Variants in TSHZ1 observed in about 807,000 individuals in gnomAD.
The protein encoded by TSHZ1 is teashirt homolog 1.
TSHZ1 carries 12 observed loss-of-function variants against 67.1 expected under a neutral mutation model. The observed-to-expected ratio is 0.18, with a 90% CI of 0.11 to 0.29. The LOEUF (loss-of-function observed/expected upper bound fraction) is 0.29. Ranked by LOEUF, TSHZ1 falls within the 10% of genes least tolerant of loss-of-function variation. The pLI is 1.00. For synonymous variants in TSHZ1, 632 were observed against 622.4 expected (o/e 1.02, Z -0.23); for missense variants, 1,305 against 1,413.9 (o/e 0.92, Z 1.23).
intron 1 of TSHZ1, among the ~76,000 whole-genome samples, chr18:75,224,061 TAAA>T (rs11347694): frequency 0.012 from 1,362 of 117,856 alleles, 23 homozygotes; most frequent in African/African-American, 0.039. Context: ...TTTAAACTTG[TAAA>T]AAAAAAAAAA....
chr18:75,233,168 C>T (rs1299260897), intron 1 of TSHZ1, among the ~76,000 whole-genome samples: 3 of 152,336 alleles, frequency 2.0e-5, no homozygotes, highest in African/African-American at 4.8e-5. Flanking sequence ...AGTTTTCTCC[C>T]ATGTTCACAT....
chr18:75,263,132 G>A (rs1181754206), intron 1 of TSHZ1, among the ~76,000 whole-genome samples: 1 of 152,096 alleles, frequency 6.6e-6, no homozygotes, highest in Admixed American at 6.6e-5. Flanking sequence ...ATGCAGGTTC[G>A]TTAAATATTT....
At chr18:75,235,066 G>T (rs1297960228) in intron 1 of TSHZ1, among the ~76,000 whole-genome samples, 1 of 152,108 alleles carries the variant, frequency 6.6e-6, no homozygotes, top group Non-Finnish European at 1.5e-5. Context: ...AGCCGTCAGC[G>T]TGTCACACCC....
chr18:75,285,725 C>T lies in TSHZ1; in HGVS notation c.318C>T (p.Val106=). ...EKEDPQCPDS[V]SYPQDSLAQI... ...AGGATCCGCAGTGTCCCGACAGCGT[C>T]TCGTACCCCCAGGACAGCCTGGCAC... Residue 106 remains valine, a synonymous_variant, in exon 2 of 2, where the codon GTC becomes GTT. Coordinates refer to ENST00000580243, the MANE Select transcript of TSHZ1 (RefSeq NM_001308210.2). 1 of 1,614,142 alleles carries T rather than the reference C, an allele frequency of 6.2e-7. No homozygotes were observed. The highest frequency in any genetic ancestry group is 2.2e-5 in the East Asian group (1 of 44,876).
In TSHZ1 at chr18:75,281,280, T is replaced by C. The variant is rs1319001409; in HGVS notation, c.41-4168T>C. 5.9e-5 allele frequency among the ~76,000 whole-genome samples: 9 copies of C among 152,178 alleles called. No individual in the cohort carries two copies. In the East Asian group the frequency reaches 1.7e-3, roughly 29 times the overall value. ...GGAGGCTTTGAGGATGGCGCTGCTT[T>C]TCTGCCTCGGATACTCTCGTTTGGG... On this transcript the variant is annotated intron_variant, in intron 1 of 1. Transcript: ENST00000580243. This position sits in a 1 kb window ranked among gnomAD's most constrained non-coding sequence, Gnocchi z 5.3.
chr18:75,225,390 G>A (rs182038545), intron 1 of TSHZ1, among the ~76,000 whole-genome samples: 6 of 152,342 alleles, frequency 3.9e-5, no homozygotes, highest in African/African-American at 1.4e-4. Flanking sequence ...TGGAGCTCGC[G>A]GGAGAGTTGG....
intron 1 of TSHZ1, among the ~76,000 whole-genome samples, chr18:75,261,107 C>T (rs552543792): frequency 2.8e-4 from 42 of 151,958 alleles, no homozygotes; most frequent in African/African-American, 7.5e-4. Context: ...AGTCCAGTTC[C>T]GCGATGTACC....
chr18:75,243,382 G>A (rs564095267), intron 1 of TSHZ1, among the ~76,000 whole-genome samples: 1 of 152,278 alleles, frequency 6.6e-6, no homozygotes, highest in East Asian at 1.9e-4. Context: ...CAGTGAGCTT[G>A]CAAGTCTTGT....
intron 1 of TSHZ1, among the ~76,000 whole-genome samples, chr18:75,272,056 C>A (rs1340658332): frequency 2.0e-5 from 3 of 152,158 alleles, no homozygotes; most frequent in Admixed American, 6.5e-5. Flanking sequence ...TAAATACTTC[C>A]ATTCCAATGT....
intron 1 of TSHZ1, chr18:75,284,874 C>G (rs553668867): frequency 4.6e-5 from 7 of 152,440 alleles, no homozygotes; most frequent in African/African-American, 1.7e-4. Context: ...CGTCTGGCAG[C>G]CCCATGCGGG....
At chr18:75,215,020 C>T (rs1460343745) in intron 1 of TSHZ1, among the ~76,000 whole-genome samples, 1 of 152,084 alleles carries the variant, frequency 6.6e-6, no homozygotes, top group Non-Finnish European at 1.5e-5. Flanking sequence ...AATCATGTCA[C>T]CGAGACAATG....
intron 1 of TSHZ1, among the ~76,000 whole-genome samples, chr18:75,238,846 A>G (rs2023117070): frequency 6.6e-6 from 1 of 152,244 alleles, no homozygotes; most frequent in Admixed American, 6.5e-5. Context: ...GTTGCCTGAC[A>G]CATCTGTTTT....
chr18:75,273,183 C>T (rs1000417151), intron 1 of TSHZ1, among the ~76,000 whole-genome samples: 1 of 152,236 alleles, frequency 6.6e-6, no homozygotes, highest in African/African-American at 2.4e-5. Context: ...AGCACCCACA[C>T]TTGTTCATCT....
intron 1 of TSHZ1, among the ~76,000 whole-genome samples, chr18:75,263,685 C>T (rs752941903): frequency 1.1e-4 from 17 of 152,094 alleles, no homozygotes; most frequent in Admixed American, 2.0e-4. Flanking sequence ...CATACAGATA[C>T]AATAATTCAG....
At chr18:75,276,781 A>G (rs1185550560) in intron 1 of TSHZ1, among the ~76,000 whole-genome samples, 2 of 152,254 alleles carry the variant, frequency 1.3e-5, no homozygotes, top group Admixed American at 6.5e-5. Context: ...CCAGGTGGCA[A>G]TACAATAGTG....
chr18:75,269,005 C>A (rs189543188), intron 1 of TSHZ1, among the ~76,000 whole-genome samples: 1 of 152,152 alleles, frequency 6.6e-6, no homozygotes, highest in Non-Finnish European at 1.5e-5. Context: ...GTTTGATTGA[C>A]GACAGTGAGG....
chr18:75,218,500 G>A (rs1255116764), intron 1 of TSHZ1, among the ~76,000 whole-genome samples: 2 of 152,212 alleles, frequency 1.3e-5, no homozygotes, highest in Admixed American at 6.5e-5. Context: ...AGCTAAGGGT[G>A]GATATATGTT....
At chr18:75,250,174 C>T (rs1175562642) in intron 1 of TSHZ1, among the ~76,000 whole-genome samples, 2 of 151,824 alleles carry the variant, frequency 1.3e-5, no homozygotes, top group East Asian at 1.9e-4. Context: ...CCTCTCACCC[C>T]TCCAGTAGGT....
rs535889540 is a variant in TSHZ1, at chr18:75,233,975, G to A, written c.40+22059G>A. ...GACTCGTATTTGCACACATACTGATGTCCCTTTTTGCCGTCTTCAGAGCTC... is the reference window on the plus strand; with the variant it reads ...GACTCGTATTTGCACACATACTGATATCCCTTTTTGCCGTCTTCAGAGCTC... On this transcript the variant is annotated intron_variant, in intron 1 of 1. Coordinates refer to ENST00000580243, the MANE Select transcript of TSHZ1 (RefSeq NM_001308210.2). 8.6e-4 allele frequency among the ~76,000 whole-genome samples: 131 copies of A among 152,244 alleles called. 1 individual carries two copies. Among genetic ancestry groups the A allele is most frequent in the African/African-American group, 3.0e-3 (123 of 41,536 alleles).
Sources: allele counts gnomAD v4.1 joint callset (sites outside exome capture counted in the v4.1 genomes callset), GRCh38; gene constraint gnomAD v4.1.1; non-coding constraint Gnocchi (gnomAD v3.1); transcripts MANE v1.5; gene names NCBI Gene and HGNC (gene_info 2026-07-23, HGNC 2026-07-21).